MYT1L: variants seen among roughly 807,000 people sequenced by gnomAD.
MYT1L encodes the protein myelin transcription factor 1 like.
MYT1L carries 12 observed loss-of-function variants against 126.7 expected under a neutral mutation model. The ratio of observed to expected loss-of-function variants is 0.09; its 90% CI spans 0.06 to 0.15. The LOEUF (loss-of-function observed/expected upper bound fraction) is 0.15, where lower values mean the gene tolerates loss of function less well. Ranked by LOEUF, MYT1L falls within the 10% of genes least tolerant of loss-of-function variation. MYT1L has a pLI of 1.00. For missense variants in MYT1L, 979 were observed against 1,585.2 expected, an observed-to-expected ratio of 0.62 and a Z score of 6.49; for synonymous variants, 541 against 604.2, an observed-to-expected ratio of 0.90 and a Z score of 1.53.
intron 4 of MYT1L, among the ~76,000 whole-genome samples, chr2:2,028,059 A>G (rs2065831521): frequency 6.6e-6 from 1 of 152,374 alleles, no homozygotes; most frequent in East Asian, 1.9e-4. Context: ...ACCTAGAACA[A>G]TGCTTACCTG....
Position 1,923,193 on chromosome 2 carries a change from G to C in MYT1L, c.576C>G (p.Asp192Glu), listed in dbSNP as rs370624330. 16 of 1,613,382 alleles carry C rather than the reference G, an allele frequency of 9.9e-6. No homozygotes were observed. In the African/African-American group the frequency reaches 2.0e-4, roughly 20 times the overall value. ...CCAGTTCATCGTAATTGTCATATTC[G>C]TCATTATTGTTATCATCCTTTTCTG... ...QDTEKDDNNN[D>E]EYDNYDELVA... is the part of the protein sequence containing the mutation. The change falls in exon 10 of 25, where the codon GAC (aspartate) becomes GAG (glutamate). Residue 192 changes from aspartate (D) to glutamate (E), a missense_variant. Physicochemically the swap from Asp to Glu is conservative, Grantham distance 45 (BLOSUM62 2). This residue lies in a region of MYT1L where 243 missense variants were observed against 363.9 expected (regional missense o/e 0.67). Coordinates refer to ENST00000647738, the MANE Select transcript of MYT1L (RefSeq NM_001303052.2).
intron 21 of MYT1L, among the ~76,000 whole-genome samples, chr2:1,813,861 A>C (rs2037141674): frequency 1.1e-5 from 1 of 92,012 alleles, no homozygotes; most frequent in Non-Finnish European, 2.3e-5. Flanking sequence ...CCCCGTCTGT[A>C]CTAGAAATAC....
intron 21 of MYT1L, among the ~76,000 whole-genome samples, chr2:1,821,755 G>T (rs1176463218): frequency 6.6e-6 from 1 of 152,208 alleles, no homozygotes; most frequent in African/African-American, 2.4e-5. Context: ...GAGTGGCGGG[G>T]AGTGGAGAAG....
rs183481789 is a variant in MYT1L, at chr2:2,077,190, C to T, written c.-303-23067G>A. Among the ~76,000 whole-genome samples, 829 of 152,118 alleles carry T rather than the reference C, an allele frequency of 5.4e-3. 3 individuals are homozygous for T. Among genetic ancestry groups the T allele is most frequent in the South Asian group, 0.011 (53 of 4,820 alleles). On this transcript the variant is annotated intron_variant, in intron 3 of 24. Coordinates refer to ENST00000647738, the MANE Select transcript of MYT1L (RefSeq NM_001303052.2). ...AAAAAAGAACAGAAATGAAGATAGC[C>T]TTACAGATCTCTGGGACACCACTAA...
intron 2 of MYT1L, among the ~76,000 whole-genome samples, chr2:2,277,151 T>A (rs2095373179): frequency 6.6e-6 from 1 of 152,008 alleles, no homozygotes; most frequent in African/African-American, 2.4e-5. Flanking sequence ...CCGGCTAATT[T>A]TTTTTGTATT....
At chr2:2,080,047 G>A (rs919871776) in intron 3 of MYT1L, among the ~76,000 whole-genome samples, 2 of 152,212 alleles carry the variant, frequency 1.3e-5, no homozygotes, top group African/African-American at 4.8e-5. Flanking sequence ...TTTTTGACAA[G>A]GGTTTCAGAA....
chr2:1,913,845 ACT>A (rs1338768124), intron 11 of MYT1L, among the ~76,000 whole-genome samples: 1 of 151,656 alleles, frequency 6.6e-6, no homozygotes, highest in East Asian at 1.9e-4. Context: ...CTTGGTCTAC[ACT>A]CTGCTGCTAC....
chr2:2,255,978 C>G (rs2094799613), intron 2 of MYT1L, among the ~76,000 whole-genome samples: 1 of 152,180 alleles, frequency 6.6e-6, no homozygotes, highest in Admixed American at 6.5e-5. Flanking sequence ...TTTTCTGCAG[C>G]TACCAAGTCT....
intron 2 of MYT1L, among the ~76,000 whole-genome samples, chr2:2,184,977 T>C (rs2091962758): frequency 6.6e-6 from 1 of 152,194 alleles, no homozygotes; most frequent in Non-Finnish European, 1.5e-5. Flanking sequence ...GCCTTTACTT[T>C]TGTCATCTCT....
At chr2:2,071,019 G>C (rs1234553948) in intron 3 of MYT1L, among the ~76,000 whole-genome samples, 1 of 152,128 alleles carries the variant, frequency 6.6e-6, no homozygotes, top group African/African-American at 2.4e-5. Context: ...TAATAATAGT[G>C]GGGAAAGAGG....
In MYT1L at chr2:1,811,530, G is replaced by GCTT. The variant is rs1257083223; in HGVS notation, c.3081-2366_3081-2364dup. 1 of 152,074 alleles carries GCTT rather than the reference G, an allele frequency of 6.6e-6. No individual in the cohort carries two copies. Among genetic ancestry groups the GCTT allele is most frequent in the Non-Finnish European group, 1.5e-5 (1 of 68,046 alleles). 9.4% of individuals were successfully genotyped at this position (152,074 alleles called of 1,614,324 possible). ...CAGGGTGGGCACGGTGGGCGCCCTG[G>GCTT]CTTCTCCTGCTTGCCCTGACTGCAT... On this transcript the variant is annotated intron_variant, in intron 21 of 24. Coordinates refer to ENST00000647738, the MANE Select transcript of MYT1L (RefSeq NM_001303052.2). This position sits in a 1 kb window ranked among gnomAD's most constrained non-coding sequence, Gnocchi z 4.4.
rs989354836 is a variant in MYT1L, at chr2:1,852,399, G to C, written c.2712-696C>G. The stretch of plus-strand genomic sequence containing the variant: ...GGAGAGGCTCTGAACAGTTCATGGG[G>C]ACATACACTCATCTGCTGAAGCCTA... On this transcript the variant is annotated intron_variant, in intron 18 of 24. Transcript: ENST00000647738. The surrounding 1 kb of genome is among the most constrained non-coding windows in gnomAD (Gnocchi z 4.0). Among the ~76,000 whole-genome samples, 2 of 152,152 alleles carry C rather than the reference G, an allele frequency of 1.3e-5. No homozygotes were observed. Among genetic ancestry groups the C allele is most frequent in the African/African-American group, 4.8e-5 (2 of 41,432 alleles).
intron 8 of MYT1L, among the ~76,000 whole-genome samples, chr2:1,965,697 C>T (rs1195858646): frequency 3.3e-5 from 5 of 152,192 alleles, no homozygotes; most frequent in Non-Finnish European, 2.9e-5. Flanking sequence ...AGATGAAGGC[C>T]CCGCCATCAT....
rs79100275 is a variant in MYT1L at position 2,257,855 on chromosome 2, C to A, written c.-421+26549G>T. Among the ~76,000 whole-genome samples the A allele has an allele frequency of 0.018, 2,751 of 148,826 alleles. 187 individuals are homozygous for A. In the East Asian group the frequency reaches 0.21, roughly 11 times the overall value. On this transcript the variant is annotated intron_variant, in intron 2 of 24. Coordinates refer to ENST00000647738, the MANE Select transcript of MYT1L (RefSeq NM_001303052.2). ...CAGATTCAATGCCATCCCCATCAAG[C>A]TACCAATGACTTTCTTCACAGAATT...
At chr2:2,183,633 T>C (rs541761990) in intron 2 of MYT1L, among the ~76,000 whole-genome samples, 2 of 152,308 alleles carry the variant, frequency 1.3e-5, no homozygotes, top group African/African-American at 4.8e-5. Context: ...TTCTTCATAG[T>C]TGCAGCTCTC....
chr2:2,068,763 C>CTTTT (rs2074200623), intron 3 of MYT1L, among the ~76,000 whole-genome samples: 1 of 6,488 alleles, frequency 1.5e-4, no homozygotes, highest in Non-Finnish European at 3.9e-4. Context: ...CACCTGTGTT[C>CTTTT]TTCTTGTTTT....
Position 1,791,682 on chromosome 2 carries a change from T to G in MYT1L, c.*185A>C. The stretch of plus-strand genomic sequence containing the variant: ...CATGGAAACGTACAAAATGTGGGTG[T>G]ATTCAAAAACTATTCTGCAGGTACT... On this transcript the variant is annotated 3_prime_UTR_variant, in exon 25 of 25. Transcript: ENST00000647738. The surrounding 1 kb of genome is among the most constrained non-coding windows in gnomAD (Gnocchi z 6.0). 1 of 564,076 alleles carries G rather than the reference T, an allele frequency of 1.8e-6. No individual in the cohort carries two copies. Among genetic ancestry groups the G allele is most frequent in the Non-Finnish European group, 3.0e-6 (1 of 335,314 alleles). 34.9% of individuals were successfully genotyped at this position (564,076 alleles called of 1,614,324 possible). A position where few individuals can be genotyped will look rare whatever the true frequency, so the allele number is the denominator to read the frequency against.
At chr2:1,836,662 C>T (rs1264315156) in intron 21 of MYT1L, among the ~76,000 whole-genome samples, 3 of 150,398 alleles carry the variant, frequency 2.0e-5, no homozygotes, top group Non-Finnish European at 3.0e-5. Flanking sequence ...ATTTCATCAG[C>T]CTGTACCCCA....
chr2:2,006,310 G>A (rs758942845), intron 4 of MYT1L, among the ~76,000 whole-genome samples: 27 of 152,170 alleles, frequency 1.8e-4, no homozygotes, highest in Admixed American at 2.6e-4. Context: ...CACATACATC[G>A]TAGAATGCTT....
Sources: gnomAD v4.1 joint callset for allele counts (sites outside exome capture counted in the v4.1 genomes callset) on GRCh38, gnomAD v4.1.1 for gene constraint, gnomAD v4.1.1 regional missense constraint, Gnocchi (gnomAD v3.1) non-coding constraint, MANE v1.5 for transcripts, NCBI Gene and HGNC (gene_info 2026-07-23, HGNC 2026-07-21) for gene names.